Variants in RNF220 observed in about 807,000 individuals in gnomAD.
RNF220 encodes the protein ring finger protein 220, also known as E3 ubiquitin-protein ligase RNF220.
In RNF220, 7 loss-of-function variants were observed where a neutral mutation model predicts 67.1. The ratio of observed to expected loss-of-function variants is 0.10; its 90% CI spans 0.06 to 0.20. The LOEUF (loss-of-function observed/expected upper bound fraction) is 0.20, where lower values mean the gene tolerates loss of function less well. Among genes scored for constraint, RNF220 ranks in the 10% least tolerant of loss-of-function variants. The probability of loss-of-function intolerance (pLI) is 1.00; values close to 1 mark genes in which losing one functional copy is unlikely to be tolerated. For missense variants in RNF220, 565 were observed against 740.3 expected, an observed-to-expected ratio of 0.76 and a Z score of 2.75; for synonymous variants, 270 against 283.2, an observed-to-expected ratio of 0.95 and a Z score of 0.47.
At chr1:44,517,509 A>G (rs770446754) in intron 2 of RNF220, among the ~76,000 whole-genome samples, 8 of 151,772 alleles carry the variant, frequency 5.3e-5, no homozygotes, top group Admixed American at 1.3e-4. Context: ...GTCATCACCG[A>G]CTTTTCTATT....
In RNF220 at chr1:44,588,825, C is replaced by T. The variant is rs76625364; in HGVS notation, c.626-25340C>T. Among the ~76,000 whole-genome samples, 540 of 152,268 alleles carry T rather than the reference C, an allele frequency of 3.5e-3. 5 individuals are homozygous for T. Among genetic ancestry groups the T allele is most frequent in the African/African-American group, 0.012 (507 of 41,554 alleles). ...TACCTGGGGTTCAGGTCATGACTAC[C>T]GAGGCTGGGGTGGACTTCTTCCTGC... On this transcript the variant is annotated intron_variant, in intron 2 of 14. Transcript: ENST00000361799.
chr1:44,412,806 T>C lies in RNF220; in HGVS notation c.625+84T>C. ...TTCAACAGGTCGGTGGCGTTTTGCA[T>C]GCTCCTAGTAATAGGAAGGGCCAAC... On this transcript the variant is annotated intron_variant, in intron 2 of 14. Transcript: ENST00000361799. This position sits in a 1 kb window ranked among gnomAD's most constrained non-coding sequence, Gnocchi z 5.3. The C allele has an allele frequency of 6.7e-7, 1 of 1,488,734 alleles. No individual in the cohort carries two copies. The highest frequency in any genetic ancestry group is 9.1e-7 in the Non-Finnish European group (1 of 1,098,172). 92.2% of individuals were successfully genotyped at this position (1,488,734 alleles called of 1,614,324 possible). A position where few individuals can be genotyped will look rare whatever the true frequency, so the allele number is the denominator to read the frequency against.
Position 44,405,421 on chromosome 1 carries a change from T to TGCCTCCGCC in RNF220, c.-225_-217dup. 1 of 628,980 alleles carries TGCCTCCGCC rather than the reference T, an allele frequency of 1.6e-6. No homozygotes were observed. Among genetic ancestry groups the TGCCTCCGCC allele is most frequent in the African/African-American group, 1.9e-5 (1 of 53,300 alleles). The allele number at this position is 628,980 out of a possible 1,614,324, so 39.0% of individuals were successfully genotyped here. A position where few individuals can be genotyped will look rare whatever the true frequency, so the allele number is the denominator to read the frequency against. On this transcript the variant is annotated 5_prime_UTR_variant, in exon 1 of 15. Transcript: ENST00000361799. ...CCGCTGCCGCCGCCGCCGCCGCCGC[T>TGCCTCCGCC]GCCTCCGCCGGCTCTGCGAACCCGG...
intron 2 of RNF220, among the ~76,000 whole-genome samples, chr1:44,542,515 A>T (rs929707479): frequency 6.6e-6 from 1 of 152,214 alleles, no homozygotes; most frequent in African/African-American, 2.4e-5. Flanking sequence ...GCTCAGGCGC[A>T]CAATCCCAGC....
At chr1:44,572,217 A>G (rs963482266) in intron 2 of RNF220, among the ~76,000 whole-genome samples, 4 of 152,242 alleles carry the variant, frequency 2.6e-5, no homozygotes, top group African/African-American at 9.6e-5. Flanking sequence ...ACATTTGACT[A>G]CCTTTGTGGC....
chr1:44,520,500 T>A (rs1410377860), intron 2 of RNF220, among the ~76,000 whole-genome samples: 1 of 152,128 alleles, frequency 6.6e-6, no homozygotes, highest in African/African-American at 2.4e-5. Context: ...CTCTCAGTTC[T>A]GACGTTCATG....
intron 2 of RNF220, among the ~76,000 whole-genome samples, chr1:44,488,731 T>C (rs939772349): frequency 8.7e-5 from 12 of 138,346 alleles, no homozygotes; most frequent in African/African-American, 1.7e-4. Context: ...TTTTTTCTTT[T>C]TTTTTTTTTT....
intron 2 of RNF220, among the ~76,000 whole-genome samples, chr1:44,490,947 A>C (rs1258229861): frequency 6.6e-6 from 1 of 152,204 alleles, no homozygotes; most frequent in Non-Finnish European, 1.5e-5. Flanking sequence ...ATAAGAGAAT[A>C]TTATGTACAA....
chr1:44,625,339 C>T (rs1376373155), intron 4 of RNF220, among the ~76,000 whole-genome samples: 2 of 152,256 alleles, frequency 1.3e-5, no homozygotes, highest in Admixed American at 6.5e-5. Context: ...GCCAGACCAG[C>T]AGCTGTCCCT....
At chr1:44,482,185 A>G (rs763492716) in intron 2 of RNF220, among the ~76,000 whole-genome samples, 1 of 152,232 alleles carries the variant, frequency 6.6e-6, no homozygotes, top group South Asian at 2.1e-4. Flanking sequence ...TTCAAACCCC[A>G]TCCATCTGAC....
At chr1:44,434,558 C>A (rs1478726037) in intron 2 of RNF220, among the ~76,000 whole-genome samples, 1 of 151,572 alleles carries the variant, frequency 6.6e-6, no homozygotes, top group Admixed American at 6.6e-5. Flanking sequence ...AATACAACAA[C>A]AACAAAAAAT....
At chr1:44,503,753 C>T (rs1658150381) in intron 2 of RNF220, among the ~76,000 whole-genome samples, 1 of 152,206 alleles carries the variant, frequency 6.6e-6, no homozygotes, top group South Asian at 2.1e-4. Context: ...GGACCAACAG[C>T]ATCAGCATCA....
intron 2 of RNF220, among the ~76,000 whole-genome samples, chr1:44,426,893 A>G (rs1649845552): frequency 6.6e-6 from 1 of 152,140 alleles, no homozygotes; most frequent in African/African-American, 2.4e-5. Flanking sequence ...TTCTCCTCCC[A>G]TTTAGTCCCA....
intron 1 of RNF220, among the ~76,000 whole-genome samples, chr1:44,411,254 G>A (rs899588251): frequency 6.6e-6 from 1 of 152,196 alleles, no homozygotes; most frequent in Non-Finnish European, 1.5e-5. Flanking sequence ...TTTTATTGAT[G>A]AAGGTTTTGT....
chr1:44,463,347 AAAGAAAG>A (rs1653970455), intron 2 of RNF220, among the ~76,000 whole-genome samples: 2 of 151,448 alleles, frequency 1.3e-5, no homozygotes. Context: ...AAAAAAAAAA[AAAGAAAG>A]AAAGAAAATA....
At chr1:44,589,740 G>A (rs1159665460) in intron 2 of RNF220, among the ~76,000 whole-genome samples, 7 of 152,248 alleles carry the variant, frequency 4.6e-5, no homozygotes, top group Middle Eastern at 3.4e-3. Flanking sequence ...GGAAAAACTG[G>A]CTTAAGGAGG....
At chr1:44,572,077 G>T (rs1664482871) in intron 2 of RNF220, among the ~76,000 whole-genome samples, 1 of 152,198 alleles carries the variant, frequency 6.6e-6, no homozygotes, top group South Asian at 2.1e-4. Flanking sequence ...TTCCTCTACA[G>T]GATGTTTTAT....
At chr1:44,466,371 A>G (rs987517849) in intron 2 of RNF220, among the ~76,000 whole-genome samples, 2 of 152,184 alleles carry the variant, frequency 1.3e-5, no homozygotes, top group Non-Finnish European at 2.9e-5. Flanking sequence ...AAAGTCATCC[A>G]TGAGGGTTGG....
chr1:44,477,489 T>A (rs553367310), intron 2 of RNF220, among the ~76,000 whole-genome samples: 41 of 152,286 alleles, frequency 2.7e-4, no homozygotes, highest in African/African-American at 9.9e-4. Flanking sequence ...GGTATTTTAA[T>A]GGTCCTGAGG....
Sources: gnomAD v4.1 joint callset for allele counts (sites outside exome capture counted in the v4.1 genomes callset) on GRCh38, gnomAD v4.1.1 for gene constraint, Gnocchi (gnomAD v3.1) non-coding constraint, MANE v1.5 for transcripts, NCBI Gene and HGNC (gene_info 2026-07-23, HGNC 2026-07-21) for gene names.